The following FMN1 variants were observed in gnomAD, a reference collection of about 807,000 sequenced individuals.
FMN1 encodes formin-1.
A neutral mutation model predicts 132.4 loss-of-function variants in FMN1; 110 were observed. That is an observed-to-expected ratio of 0.83 (90% CI 0.71 to 0.97). The LOEUF (loss-of-function observed/expected upper bound fraction) is 0.97, where lower values mean the gene tolerates loss of function less well. FMN1 is among the 50% of genes least tolerant of loss of function. FMN1 has a pLI of 0.00. For missense variants in FMN1, 1,792 were observed against 1,705.3 expected (o/e 1.05, Z -0.90); for synonymous variants, 722 against 651.7 (o/e 1.11, Z -1.64).
At chr15:32,939,891 A>G (rs1334165356) in intron 9 of FMN1, among the ~76,000 whole-genome samples, 1 of 152,116 alleles carries the variant, frequency 6.6e-6, no homozygotes, top group Non-Finnish European at 1.5e-5. Flanking sequence ...TGCTCTTTTT[A>G]TGGTAGGAAA....
chr15:33,122,586 TACC>T lies in FMN1; in HGVS notation c.1867+30459_1867+30461del, dbSNP rs1224636215. Among the ~76,000 whole-genome samples, 223 of 152,348 alleles carry T rather than the reference TACC, an allele frequency of 1.5e-3. 1 individual carries two copies. Among genetic ancestry groups the T allele is most frequent in the African/African-American group, 5.0e-3 (206 of 41,582 alleles). ...TATTCTGACATCACCTTCTAAACAG[TACC>T]ACTAGCTAATGCAGCAGTAATAAAA... is the stretch of plus-strand genomic sequence containing the variant. On this transcript the variant is annotated intron_variant, in intron 4 of 20. Coordinates refer to ENST00000616417, the MANE Select transcript of FMN1 (RefSeq NM_001277313.2).
At chr15:32,891,406 C>A (rs1489558705) in intron 15 of FMN1, among the ~76,000 whole-genome samples, 2 of 152,164 alleles carry the variant, frequency 1.3e-5, no homozygotes, top group South Asian at 4.1e-4. Context: ...CGCCACCACG[C>A]CCAGCTAATT....
intron 7 of FMN1, among the ~76,000 whole-genome samples, chr15:32,988,412 G>GT (rs1181280411): frequency 6.6e-6 from 1 of 152,172 alleles, no homozygotes; most frequent in Non-Finnish European, 1.5e-5. Flanking sequence ...ACAGAAGCGT[G>GT]TTTGAGTTTG....
At chr15:32,804,015 C>A (rs1336950528) in intron 18 of FMN1, among the ~76,000 whole-genome samples, 1 of 152,134 alleles carries the variant, frequency 6.6e-6, no homozygotes, top group Non-Finnish European at 1.5e-5. Flanking sequence ...AGAAGTCAGT[C>A]ACACAAGGAC....
chr15:33,100,431 G>A (rs2039251442), intron 4 of FMN1, among the ~76,000 whole-genome samples: 1 of 152,086 alleles, frequency 6.6e-6, no homozygotes, highest in Non-Finnish European at 1.5e-5. Context: ...TATCTGAAAC[G>A]GGGGTTGACA....
chr15:32,926,167 G>A lies in FMN1; in HGVS notation c.3226+7C>T. 1 of 1,399,172 alleles carries A rather than the reference G, an allele frequency of 7.1e-7. No individual in the cohort carries two copies. The highest frequency in any genetic ancestry group is 9.9e-7 in the Non-Finnish European group (1 of 1,012,544). The allele number at this position is 1,399,172 out of a possible 1,614,324, so 86.7% of individuals were successfully genotyped here. On this transcript the variant is annotated splice_region_variant and intron_variant, in intron 10 of 20. Transcript: ENST00000616417. The stretch of plus-strand genomic sequence containing the variant: ...AAAGTAAAACAAAAGTGATAGAAAA[G>A]ACTTACCCTGTTGGATATCCTTCAT...
chr15:32,889,504 C>T (rs2059974613), intron 15 of FMN1, among the ~76,000 whole-genome samples: 1 of 152,130 alleles, frequency 6.6e-6, no homozygotes, highest in African/African-American at 2.4e-5. Flanking sequence ...ACATCTCTGG[C>T]CTCATTTTTA....
Position 33,133,984 on chromosome 15 carries a change from G to A in FMN1, c.1867+19064C>T, listed in dbSNP as rs114692067. On this transcript the variant is annotated intron_variant, in intron 4 of 20. Coordinates refer to ENST00000616417, the MANE Select transcript of FMN1 (RefSeq NM_001277313.2). ...TTTTATTTATTTATTTTGAGGAAAGGTCTCACTCTCCCAGGCTGGAGTGCA... is the reference window on the plus strand; with the variant it reads ...TTTTATTTATTTATTTTGAGGAAAGATCTCACTCTCCCAGGCTGGAGTGCA... Among the ~76,000 whole-genome samples the A allele has an allele frequency of 4.0e-3, 605 of 152,110 alleles. 4 individuals are homozygous for A. The highest frequency in any genetic ancestry group is 0.014 in the African/African-American group (591 of 41,498).
intron 17 of FMN1, among the ~76,000 whole-genome samples, chr15:32,849,140 CGCTCA>C (rs2141253253): frequency 7.5e-6 from 1 of 132,464 alleles, no homozygotes; most frequent in South Asian, 2.7e-4. Flanking sequence ...CTTGTCACCA[CGCTCA>C]GCTAATTTTT....
chr15:32,800,309 T>C lies in FMN1; in HGVS notation c.3981-1356A>G, dbSNP rs574641474. The stretch of plus-strand genomic sequence containing the variant: ...CCCAGTTATTAAAAGACTGGAAATG[T>C]GTAAGTGGAGAAAGGCAATAACTGC... On this transcript the variant is annotated intron_variant, in intron 18 of 20. Coordinates refer to ENST00000616417, the MANE Select transcript of FMN1 (RefSeq NM_001277313.2). Among the ~76,000 whole-genome samples, 4 of 152,254 alleles carry C rather than the reference T, an allele frequency of 2.6e-5. No individual in the cohort carries two copies. In the South Asian group the frequency reaches 8.3e-4, roughly 32 times the overall value.
intron 19 of FMN1, among the ~76,000 whole-genome samples, chr15:32,777,865 AAT>A: frequency 9.8e-5 from 1 of 10,208 alleles, no homozygotes; most frequent in East Asian, 0.014. Flanking sequence ...TATTATGTAT[AAT>A]ATATAATACA....
chr15:32,831,875 C>A (rs1390752399), intron 17 of FMN1, among the ~76,000 whole-genome samples: 1 of 151,994 alleles, frequency 6.6e-6, no homozygotes, highest in Non-Finnish European at 1.5e-5. Flanking sequence ...AAGTTCAATG[C>A]TCTCCAAAGT....
intron 6 of FMN1, among the ~76,000 whole-genome samples, chr15:33,040,496 T>A (rs529882273): frequency 3.8e-4 from 58 of 152,328 alleles, no homozygotes; most frequent in Non-Finnish European, 6.9e-4. Flanking sequence ...AGATGCTTAG[T>A]AAATATTTGC....
At chr15:32,993,586 G>C (rs965274215) in intron 7 of FMN1, among the ~76,000 whole-genome samples, 1 of 152,170 alleles carries the variant, frequency 6.6e-6, no homozygotes, top group Non-Finnish European at 1.5e-5. Flanking sequence ...CAAAAGGGTA[G>C]TGTGTTGTCA....
intron 14 of FMN1, among the ~76,000 whole-genome samples, chr15:32,899,146 AAAAC>A (rs143465367): frequency 0.34 from 51,155 of 151,846 alleles, 9,239 homozygotes; most frequent in African/African-American, 0.47. Context: ...AATAATGGCT[AAAAC>A]AAACAAAAAA....
chr15:33,128,284 G>T (rs902629446), intron 4 of FMN1, among the ~76,000 whole-genome samples: 2 of 152,144 alleles, frequency 1.3e-5, no homozygotes, highest in Non-Finnish European at 2.9e-5. Flanking sequence ...GCAACAGTTG[G>T]GAATTTGAAC....
rs142472599 is a variant in FMN1, at chr15:32,879,138, C to T, written c.3835+9034G>A. 1.6e-3 allele frequency among the ~76,000 whole-genome samples: 241 copies of T among 152,312 alleles called. 10 individuals are homozygous for T. In the East Asian group the frequency reaches 0.038, roughly 24 times the overall value. On this transcript the variant is annotated intron_variant, in intron 16 of 20. Coordinates refer to ENST00000616417, the MANE Select transcript of FMN1 (RefSeq NM_001277313.2). ...TGCTTTGCATCAAAAGTCACCATGCCGATCCACATTTTACACCCACTGCTT... is the reference window on the plus strand; with the variant it reads ...TGCTTTGCATCAAAAGTCACCATGCTGATCCACATTTTACACCCACTGCTT...
At chr15:32,870,915 T>C (rs1296571078) in intron 16 of FMN1, among the ~76,000 whole-genome samples, 3 of 152,212 alleles carry the variant, frequency 2.0e-5, no homozygotes, top group Admixed American at 6.5e-5. Flanking sequence ...GAAAACATTG[T>C]CAAGAATAAT....
rs748733949 is a variant in FMN1 at position 32,969,495 on chromosome 15, G to C, written c.2224-18C>G. ...AACTGTGCCTATAGGAAAATTCAGA[G>C]GGAAAGAAAGTAATGAGTTTATTAA... On this transcript the variant is annotated intron_variant, in intron 7 of 20. Coordinates refer to ENST00000616417, the MANE Select transcript of FMN1 (RefSeq NM_001277313.2). 1 of 1,608,026 alleles carries C rather than the reference G, an allele frequency of 6.2e-7. No homozygotes were observed. The highest frequency in any genetic ancestry group is 8.5e-7 in the Non-Finnish European group (1 of 1,177,212).
Sources: gnomAD v4.1 joint callset for allele counts (sites outside exome capture counted in the v4.1 genomes callset) on GRCh38, gnomAD v4.1.1 for gene constraint, MANE v1.5 for transcripts, NCBI Gene and HGNC (gene_info 2026-07-23, HGNC 2026-07-21) for gene names.